The following RHEX variants were observed in gnomAD, a reference collection of about 807,000 sequenced individuals.
The protein encoded by RHEX is regulator of hemoglobinization and erythroid cell expansion.
In RHEX, 18 loss-of-function variants were observed where a neutral mutation model predicts 20.1. That is an observed-to-expected ratio of 0.90 (90% CI 0.62 to 1.33). RHEX has a LOEUF of 1.33. RHEX is among the 40% of genes most tolerant of loss of function. The pLI is 0.00. For synonymous variants in RHEX, 87 were observed against 77.1 expected (o/e 1.13, Z -0.67); for missense variants, 192 against 214.3 (o/e 0.90, Z 0.65).
chr1:206,080,731 G>A (rs1204595929), intron 1 of RHEX, among the ~76,000 whole-genome samples: 1 of 152,192 alleles, frequency 6.6e-6, no homozygotes, highest in African/African-American at 2.4e-5. Flanking sequence ...TTGGCAGTTG[G>A]AGCCCTGAAC....
intron 1 of RHEX, among the ~76,000 whole-genome samples, chr1:206,064,670 G>A (rs542129480): frequency 7.5e-5 from 10 of 133,782 alleles, no homozygotes; most frequent in South Asian, 2.5e-4. Flanking sequence ...TCAGCCCCCC[G>A]CCCGGCCAGC....
At chr1:206,099,481 A>G (rs1227114844) in intron 3 of RHEX, among the ~76,000 whole-genome samples, 174 bp from the exon 4 acceptor site, 5 of 151,944 alleles carry the variant, frequency 3.3e-5, no homozygotes, top group African/African-American at 9.7e-5. Context: ...ATCATGCCCA[A>G]CTAATTTTTG....
intron 1 of RHEX, among the ~76,000 whole-genome samples, chr1:206,093,484 T>C (rs1021405611): frequency 6.6e-6 from 1 of 152,146 alleles, no homozygotes; most frequent in Admixed American, 6.5e-5. Context: ...TTGGCCAGGC[T>C]GGTCTTGAAC....
chr1:206,091,412 G>A (rs1054992361), intron 1 of RHEX, among the ~76,000 whole-genome samples: 6 of 152,022 alleles, frequency 3.9e-5, no homozygotes. Flanking sequence ...CTGATTATTG[G>A]TGCAGTAATC....
chr1:206,100,935 C>T (rs1438652762), intron 4 of RHEX, among the ~76,000 whole-genome samples: 1 of 152,144 alleles, frequency 6.6e-6, no homozygotes, highest in Non-Finnish European at 1.5e-5. Context: ...GACTTTCTCT[C>T]CCCCTACTCT....
At chr1:206,099,148 G>A (rs1361513783) in intron 3 of RHEX, among the ~76,000 whole-genome samples, 2 of 152,148 alleles carry the variant, frequency 1.3e-5, no homozygotes, top group African/African-American at 2.4e-5. Flanking sequence ...GGAGGAGTGA[G>A]GCCTCGGAGG....
At position 206,101,702 on chromosome 1, in the gene RHEX, C is replaced by T. The variant is rs782514371; in HGVS notation, c.319-50C>T. 3.5e-6 allele frequency: 5 copies of T among 1,435,088 alleles called. No individual in the cohort carries two copies. In the African/African-American group the frequency reaches 7.1e-5, roughly 20 times the overall value. The allele number at this position is 1,435,088 out of a possible 1,614,324, so 88.9% of individuals were successfully genotyped here. On this transcript the variant is annotated intron_variant, in intron 5 of 5. Coordinates refer to ENST00000331555, the MANE Select transcript of RHEX (RefSeq NM_001007544.4). ...AGTTCAGTCCTGGGGTCTTATTTCCCCCAAACGTGGTAGGGATCTTGACCC... is the reference window on the plus strand; with the variant it reads ...AGTTCAGTCCTGGGGTCTTATTTCCTCCAAACGTGGTAGGGATCTTGACCC...
intron 1 of RHEX, among the ~76,000 whole-genome samples, chr1:206,056,067 C>G (rs975790430): frequency 1.3e-5 from 2 of 152,264 alleles, no homozygotes; most frequent in Admixed American, 6.5e-5. Context: ...AAAGCTTGCT[C>G]TGTGAACATC....
At chr1:206,090,646 T>G (rs1459126717) in intron 1 of RHEX, among the ~76,000 whole-genome samples, 2 of 152,156 alleles carry the variant, frequency 1.3e-5, no homozygotes, top group African/African-American at 4.8e-5. Context: ...AAATTAACTT[T>G]AAAAGTGATT....
At chr1:206,071,139 T>C (rs1198553465) in intron 1 of RHEX, among the ~76,000 whole-genome samples, 1 of 152,036 alleles carries the variant, frequency 6.6e-6, no homozygotes, top group Non-Finnish European at 1.5e-5. Flanking sequence ...CAGCCTTCAG[T>C]CTGTGGTTGA....
intron 1 of RHEX, among the ~76,000 whole-genome samples, chr1:206,081,190 C>T (rs903367485): frequency 1.3e-5 from 2 of 152,160 alleles, no homozygotes; most frequent in Non-Finnish European, 2.9e-5. Context: ...GGAGTGGACA[C>T]GATGCATGTA....
At chr1:206,100,616 T>C (rs191077334) in intron 4 of RHEX, among the ~76,000 whole-genome samples, 5 of 152,206 alleles carry the variant, frequency 3.3e-5, no homozygotes, top group Admixed American at 2.6e-4. Context: ...AGAGATTGTT[T>C]AGCTGTCAGG....
At chr1:206,071,962 A>C (rs1662545245) in intron 1 of RHEX, among the ~76,000 whole-genome samples, 1 of 152,212 alleles carries the variant, frequency 6.6e-6, no homozygotes, top group African/African-American at 2.4e-5. Context: ...GAATGGACTA[A>C]ATCAGTAGGC....
chr1:206,054,835 G>C (rs1402856592), intron 1 of RHEX, among the ~76,000 whole-genome samples: 1 of 152,232 alleles, frequency 6.6e-6, no homozygotes, highest in African/African-American at 2.4e-5. Flanking sequence ...ATATAAAATG[G>C]TGTTTAGCTT....
intron 1 of RHEX, among the ~76,000 whole-genome samples, chr1:206,088,431 C>G (rs1427342639): frequency 6.6e-6 from 1 of 152,078 alleles, no homozygotes; most frequent in Non-Finnish European, 1.5e-5. Flanking sequence ...ACCTGTAATC[C>G]CAGCACTTTG....
intron 1 of RHEX, among the ~76,000 whole-genome samples, chr1:206,054,954 G>A (rs550159433): frequency 7.1e-4 from 108 of 152,372 alleles, no homozygotes; most frequent in African/African-American, 2.5e-3. Context: ...AAGACAGCAC[G>A]CCAAGATGCA....
At chr1:206,060,302 T>C (rs1332802491) in intron 1 of RHEX, 3 of 151,694 alleles carry the variant, frequency 2.0e-5, no homozygotes, top group Non-Finnish European at 4.4e-5. Context: ...CAGTAGCTAA[T>C]ATTACCATTT....
At chr1:206,066,200 C>T (rs782271765) in intron 1 of RHEX, among the ~76,000 whole-genome samples, 4 of 152,250 alleles carry the variant, frequency 2.6e-5, no homozygotes, top group Non-Finnish European at 5.9e-5. Flanking sequence ...TCTGCAGTCT[C>T]GTTGCTCTTA....
intron 1 of RHEX, among the ~76,000 whole-genome samples, chr1:206,064,212 G>T (rs1163885119): frequency 2.0e-5 from 3 of 147,124 alleles, no homozygotes; most frequent in Non-Finnish European, 4.5e-5. Context: ...CCCCGTCTGG[G>T]AAGTGAGGAG....
Sources: allele counts gnomAD v4.1 joint callset (sites outside exome capture counted in the v4.1 genomes callset), GRCh38; gene constraint gnomAD v4.1.1; transcripts MANE v1.5; gene names NCBI Gene and HGNC (gene_info 2026-07-23, HGNC 2026-07-21).